The following DPP6 variants were observed in gnomAD, a reference collection of about 807,000 sequenced individuals.
The protein encoded by DPP6 is dipeptidyl peptidase like 6.
In DPP6, 69 loss-of-function variants were observed where a neutral mutation model predicts 122.6. The ratio of observed to expected loss-of-function variants is 0.56; its 90% confidence interval spans 0.46 to 0.69. The LOEUF is 0.69. Among genes scored for constraint, DPP6 ranks in the 30% least tolerant of loss-of-function variants. The pLI is 0.00. For missense variants in DPP6, 928 were observed against 1,116.9 expected (o/e 0.83, Z 2.41); for synonymous variants, 418 against 433.1 (o/e 0.97, Z 0.43).
intron 1 of DPP6, among the ~76,000 whole-genome samples, chr7:153,903,895 A>AAG: frequency 6.6e-6 from 1 of 152,188 alleles, no homozygotes; most frequent in Non-Finnish European, 1.5e-5. Flanking sequence ...CAGAAGCAGG[A>AAG]AGAGGACTGA....
chr7:154,525,808 C>G (rs1313494747), intron 3 of DPP6, among the ~76,000 whole-genome samples: 1 of 151,196 alleles, frequency 6.6e-6, no homozygotes, highest in Non-Finnish European at 1.5e-5. Context: ...TTTGGAAACA[C>G]CTACCTTTTC....
chr7:154,395,865 A>C (rs1398270935), intron 1 of DPP6, among the ~76,000 whole-genome samples: 1 of 151,474 alleles, frequency 6.6e-6, no homozygotes, highest in East Asian at 1.9e-4. Context: ...GTCTTTTGTC[A>C]TTGAGTATGA....
rs146664459 is a variant in DPP6, at chr7:153,965,972, G to C, written c.51+78238G>C. Among the ~76,000 whole-genome samples, 132 of 151,494 alleles carry C rather than the reference G, an allele frequency of 8.7e-4. 2 individuals are homozygous for C. The East Asian group carries it at 0.024, about 28-fold the overall frequency. On this transcript the variant is annotated intron_variant, in intron 1 of 25. Transcript: ENST00000404039. ...GATGATGAAGTTCCCTACAGAGAAA[G>C]TCACACTAGAAAGACTGATAAGTTT...
intron 1 of DPP6, among the ~76,000 whole-genome samples, chr7:154,063,091 C>A (rs1188658795): frequency 1.5e-5 from 2 of 130,944 alleles, no homozygotes; most frequent in Non-Finnish European, 3.4e-5. Context: ...CTCTTCCGCC[C>A]CTGGCTGTTA....
chr7:154,501,902 T>G (rs1404292026), intron 3 of DPP6, among the ~76,000 whole-genome samples: 1 of 151,690 alleles, frequency 6.6e-6, no homozygotes, highest in East Asian at 1.9e-4. Context: ...GGCCAGTCCA[T>G]GAAAGCAGCC....
Position 153,908,747 on chromosome 7 carries a change from A to G in DPP6, c.51+21013A>G, listed in dbSNP as rs557063795. 3.3e-5 allele frequency among the ~76,000 whole-genome samples: 5 copies of G among 152,106 alleles called. No individual in the cohort carries two copies. The South Asian group carries it at 1.0e-3, about 32-fold the overall frequency. ...GAAAATATGAATGGTCACATGTTGA[A>G]TTTATTTTTATTTTTTTACTTTTTT... is the stretch of plus-strand genomic sequence containing the variant. On this transcript the variant is annotated intron_variant, in intron 1 of 25. Coordinates refer to the DPP6 transcript ENST00000404039.
intron 10 of DPP6, among the ~76,000 whole-genome samples, chr7:154,779,328 C>T (rs1796889455): frequency 6.6e-6 from 1 of 151,368 alleles, no homozygotes; most frequent in South Asian, 2.1e-4. Flanking sequence ...GCCTCCACCA[C>T]CACCACCATC....
In DPP6 at chr7:154,326,464, A is replaced by G. The variant is rs117811233; in HGVS notation, c.244-119750A>G. ...ATATAATGATGATAAAATTGAACCT[A>G]TGATTTAAGAAATGCGATATGAATA... On this transcript the variant is annotated intron_variant, in intron 1 of 25. Coordinates refer to ENST00000377770, the MANE Select transcript of DPP6 (RefSeq NM_130797.4). 6.9e-3 allele frequency among the ~76,000 whole-genome samples: 1,051 copies of G among 152,338 alleles called. 26 individuals carry two copies. The highest frequency in any genetic ancestry group is 0.058 in the East Asian group (298 of 5,180).
intron 1 of DPP6, among the ~76,000 whole-genome samples, chr7:153,964,900 CTTCTT>C (rs1397953217): frequency 3.6e-5 from 4 of 109,854 alleles, no homozygotes; most frequent in Admixed American, 1.0e-4. Context: ...CTTTCTTTCC[CTTCTT>C]TTCTTTTCCT....
chr7:154,019,298 C>G (rs1798580664), intron 1 of DPP6, among the ~76,000 whole-genome samples: 1 of 152,102 alleles, frequency 6.6e-6, no homozygotes, highest in African/African-American at 2.4e-5. Flanking sequence ...TCTCCTTACT[C>G]CCTTCCACCT....
intron 19 of DPP6, among the ~76,000 whole-genome samples, chr7:154,874,207 G>A (rs114069982): frequency 1.6e-3 from 247 of 152,282 alleles, no homozygotes; most frequent in African/African-American, 5.5e-3. Context: ...ACTTTCTCCA[G>A]GATGCTAACA....
At chr7:154,759,787 C>T (rs1030239732) in intron 8 of DPP6, among the ~76,000 whole-genome samples, 2 of 152,182 alleles carry the variant, frequency 1.3e-5, no homozygotes, top group African/African-American at 2.4e-5. Context: ...GCTGCCTGTG[C>T]ACTAGATGCC....
the DPP6 span, among the ~76,000 whole-genome samples, chr7:153,857,850 G>C: frequency 1.3e-5 from 2 of 152,172 alleles, no homozygotes; most frequent in Non-Finnish European, 2.9e-5. Flanking sequence ...CTTGGGTTTT[G>C]TGATTATTTG....
At chr7:153,835,397 GAA>G in the DPP6 span, among the ~76,000 whole-genome samples, 1 of 142,196 alleles carries the variant, frequency 7.0e-6, no homozygotes. Flanking sequence ...TGACTGTGTG[GAA>G]AAAAAAAAAA....
intron 7 of DPP6, among the ~76,000 whole-genome samples, chr7:154,717,761 T>C (rs1841571769): frequency 6.6e-6 from 1 of 152,210 alleles, no homozygotes; most frequent in African/African-American, 2.4e-5. Flanking sequence ...GTCTACCCAG[T>C]ATACAACCAT....
At chr7:154,651,776 C>T (rs1042661158) in intron 6 of DPP6, among the ~76,000 whole-genome samples, 1 of 152,162 alleles carries the variant, frequency 6.6e-6, no homozygotes. Context: ...CTGAAAGTCA[C>T]AAAGGAAATC....
intron 5 of DPP6, among the ~76,000 whole-genome samples, chr7:154,584,842 A>G (rs917059441): frequency 6.6e-6 from 1 of 152,212 alleles, no homozygotes; most frequent in African/African-American, 2.4e-5. Context: ...ATCCTGTGCT[A>G]TTCATCGGCC....
chr7:153,865,083 A>G, the DPP6 span, among the ~76,000 whole-genome samples: 15 of 152,202 alleles, frequency 9.9e-5, no homozygotes, highest in Non-Finnish European at 2.1e-4. Context: ...CGAATCAACT[A>G]TGAAAAACTT....
intron 6 of DPP6, among the ~76,000 whole-genome samples, chr7:154,643,787 G>A (rs1836268401): frequency 6.6e-6 from 1 of 152,170 alleles, no homozygotes; most frequent in Non-Finnish European, 1.5e-5. Context: ...CAAAGAAGGA[G>A]GGGAGGGTTG....
Sources: gnomAD v4.1 joint callset for allele counts (sites outside exome capture counted in the v4.1 genomes callset) on GRCh38, gnomAD v4.1.1 for gene constraint, MANE v1.5 for transcripts, NCBI Gene and HGNC (gene_info 2026-07-23, HGNC 2026-07-21) for gene names.